Variants in FCHSD2 observed in about 807,000 individuals in gnomAD.
FCHSD2 encodes F-BAR and double SH3 domains protein 2.
FCHSD2 carries 38 observed loss-of-function variants against 108.1 expected under a neutral mutation model. The ratio of observed to expected loss-of-function variants is 0.35; its 90% CI spans 0.27 to 0.46. FCHSD2 has a LOEUF of 0.46. Ranked by LOEUF, FCHSD2 falls within the 20% of genes least tolerant of loss-of-function variation. The pLI is 1.00. For synonymous variants in FCHSD2, 279 were observed against 314.7 expected, an observed-to-expected ratio of 0.89 and a Z score of 1.20; for missense variants, 751 against 897.8, an observed-to-expected ratio of 0.84 and a Z score of 2.09.
At chr11:72,950,914 C>A (rs1172800942) in intron 8 of FCHSD2, among the ~76,000 whole-genome samples, 1 of 152,108 alleles carries the variant, frequency 6.6e-6, no homozygotes, top group East Asian at 1.9e-4. Flanking sequence ...GTGACTAATT[C>A]TCTCTAATTC....
intron 12 of FCHSD2, among the ~76,000 whole-genome samples, chr11:72,880,303 C>T (rs4944813): frequency 2.6e-5 from 4 of 152,114 alleles, no homozygotes; most frequent in Admixed American, 2.6e-4. Context: ...ACAAAAGTCC[C>T]TGAATAGCCA....
At chr11:73,070,717 T>C (rs894278444) in intron 3 of FCHSD2, among the ~76,000 whole-genome samples, 1 of 151,418 alleles carries the variant, frequency 6.6e-6, no homozygotes, top group Admixed American at 6.6e-5. Context: ...TGAGCCACCA[T>C]ACCCGGCCTA....
Position 72,984,145 on chromosome 11 carries a change from C to T in FCHSD2, c.648G>A (p.Ala216=), listed in dbSNP as rs772728306. 51 of 1,613,366 alleles carry T rather than the reference C, an allele frequency of 3.2e-5. No individual in the cohort carries two copies. Among genetic ancestry groups the T allele is most frequent in the Middle Eastern group, 3.3e-4 (2 of 6,084 alleles). The change falls in exon 8 of 20, where the codon GCG becomes GCA. Residue 216 remains alanine (A), a synonymous_variant. Transcript: ENST00000409418. ...HARNDYLLTL[A]AANAHQDRYY... ...AGCGATCCTGATGTGCATTTGCTGC[C>T]GCTAGGGTAAGAAGATAATCATTCC...
chr11:73,040,218 G>A (rs1315449277), intron 3 of FCHSD2, among the ~76,000 whole-genome samples: 2 of 152,188 alleles, frequency 1.3e-5, no homozygotes, highest in South Asian at 2.1e-4. Flanking sequence ...CCCCAAAGAC[G>A]ATTATGCAAA....
At chr11:73,010,657 T>G (rs1368447924) in intron 4 of FCHSD2, among the ~76,000 whole-genome samples, 1 of 152,184 alleles carries the variant, frequency 6.6e-6, no homozygotes, top group African/African-American at 2.4e-5. Flanking sequence ...CTATGAACAG[T>G]GTCAGTGGTG....
chr11:72,843,036 C>G, intron 16 of FCHSD2, 115 bp downstream of exon 16: 1 of 1,052,286 alleles, frequency 9.5e-7, no homozygotes, highest in East Asian at 2.6e-5. Flanking sequence ...TAAAGAAAAG[C>G]ATATTATAGG....
rs1412994451 is a variant in FCHSD2 at position 73,141,970 on chromosome 11, C to G, written c.-93G>C. ...GGAGAGGAGGGGACGGCCCAGCGAG[C>G]GCGCGCGTGTGTGAAAGGAGCGCTT... is the stretch of plus-strand genomic sequence containing the variant. On this transcript the variant is annotated 5_prime_UTR_variant, in exon 1 of 20. Coordinates refer to ENST00000409418, the MANE Select transcript of FCHSD2 (RefSeq NM_014824.3). The G allele has an allele frequency of 2.3e-6, 3 of 1,307,768 alleles. No homozygotes were observed. The highest frequency in any genetic ancestry group is 3.0e-5 in the African/African-American group (2 of 67,216). 81.0% of individuals were successfully genotyped at this position (1,307,768 alleles called of 1,614,324 possible).
rs534115663 is a variant in FCHSD2, at chr11:73,032,015, G to A, written c.166-16130C>T. 3.9e-5 allele frequency among the ~76,000 whole-genome samples: 6 copies of A among 152,120 alleles called. No individual in the cohort carries two copies. In the East Asian group the frequency reaches 5.8e-4, roughly 15 times the overall value. Reference sequence around the variant, plus strand: ...ACTATTAACTAAATTATGGTCATCAGTATGCTGCAATGTTACACAATTATT... The same window carrying A: ...ACTATTAACTAAATTATGGTCATCAATATGCTGCAATGTTACACAATTATT... On this transcript the variant is annotated intron_variant, in intron 3 of 19. Transcript: ENST00000409418.
In FCHSD2 at chr11:72,861,927, G is replaced by A. The variant is rs1415073508; in HGVS notation, c.1308+5938C>T. On this transcript the variant is annotated intron_variant, in intron 13 of 19. Transcript: ENST00000409418. ...GCCTGGGCAACAAAAGCGAAACGCC[G>A]TCTCAAAAAAAAAAAAAAAAAAGAT... Among the ~76,000 whole-genome samples the A allele has an allele frequency of 5.8e-4, 25 of 43,146 alleles. No homozygotes were observed. In the South Asian group the frequency reaches 0.019, roughly 33 times the overall value. 28.3% of individuals were successfully genotyped at this position (43,146 alleles called of 152,430 possible).
intron 8 of FCHSD2, among the ~76,000 whole-genome samples, chr11:72,959,260 C>T: frequency 1.0e-5 from 1 of 100,488 alleles, no homozygotes; most frequent in Non-Finnish European, 1.7e-5. Context: ...GACGGAGTCT[C>T]GCTCTGTTGC....
intron 8 of FCHSD2, among the ~76,000 whole-genome samples, chr11:72,978,070 C>G (rs1404560189): frequency 6.6e-6 from 1 of 151,884 alleles, no homozygotes; most frequent in African/African-American, 2.4e-5. Flanking sequence ...GACAGAAAAC[C>G]AAACACCACA....
intron 5 of FCHSD2, among the ~76,000 whole-genome samples, chr11:72,989,907 G>GC (rs1190399677): frequency 3.3e-5 from 5 of 152,056 alleles, no homozygotes; most frequent in Non-Finnish European, 7.4e-5. Context: ...GCTCAGCAAA[G>GC]CAGGAGGAGA....
At chr11:72,858,094 T>C (rs1591347505) in intron 13 of FCHSD2, among the ~76,000 whole-genome samples, 1 of 152,198 alleles carries the variant, frequency 6.6e-6, no homozygotes, top group Non-Finnish European at 1.5e-5. Flanking sequence ...TAATAAAGCA[T>C]TAGCTTTTGT....
intron 8 of FCHSD2, among the ~76,000 whole-genome samples, chr11:72,953,258 T>C (rs988061437): frequency 6.6e-6 from 1 of 152,198 alleles, no homozygotes; most frequent in East Asian, 1.9e-4. Flanking sequence ...AAACTCCAGA[T>C]CTTAGATCTC....
chr11:73,102,084 C>T (rs1387866001), intron 2 of FCHSD2, among the ~76,000 whole-genome samples: 1 of 152,142 alleles, frequency 6.6e-6, no homozygotes, highest in Non-Finnish European at 1.5e-5. Flanking sequence ...TTTGAATTGG[C>T]ACTTCATTAA....
intron 2 of FCHSD2, among the ~76,000 whole-genome samples, chr11:73,111,812 C>T (rs1229995106): frequency 2.0e-5 from 3 of 152,020 alleles, no homozygotes; most frequent in African/African-American, 7.2e-5. Context: ...TACCATAAAA[C>T]CCAATTATTT....
At chr11:73,130,035 C>T (rs1044575160) in intron 2 of FCHSD2, among the ~76,000 whole-genome samples, 2 of 151,854 alleles carry the variant, frequency 1.3e-5, no homozygotes, top group African/African-American at 4.8e-5. Flanking sequence ...CACCCGCCAC[C>T]ACGCCCAGCT....
chr11:73,093,508 G>C (rs1860003881), intron 2 of FCHSD2, among the ~76,000 whole-genome samples: 1 of 152,142 alleles, frequency 6.6e-6, no homozygotes, highest in South Asian at 2.1e-4. Flanking sequence ...TCTTAGAAGA[G>C]CTGTAATGCA....
intron 13 of FCHSD2, among the ~76,000 whole-genome samples, chr11:72,853,197 CA>C (rs1861338840): frequency 6.6e-6 from 1 of 152,122 alleles, no homozygotes. Flanking sequence ...CCTTCACATA[CA>C]TGATTAAATG....
Sources: allele counts gnomAD v4.1 joint callset (sites outside exome capture counted in the v4.1 genomes callset), GRCh38; gene constraint gnomAD v4.1.1; transcripts MANE v1.5; gene names NCBI Gene and HGNC (gene_info 2026-07-23, HGNC 2026-07-21).